Variants in FBN1 observed in about 807,000 individuals in gnomAD.
The protein encoded by FBN1 is fibrillin 1.
In FBN1, 29 loss-of-function variants were observed where a neutral mutation model predicts 365.1. That is an observed-to-expected ratio of 0.08 (90% CI 0.06 to 0.11). The LOEUF is 0.11. Ranked by LOEUF, FBN1 falls within the 10% of genes least tolerant of loss-of-function variation. FBN1 has a pLI of 1.00. For synonymous variants in FBN1, 1,210 were observed against 1,270.5 expected (o/e 0.95, Z 1.01); for missense variants, 2,476 against 3,703.2 (o/e 0.67, Z 8.60).
At chr15:48,636,049 G>A (rs1890085024) in intron 2 of FBN1, among the ~76,000 whole-genome samples, 1 of 152,160 alleles carries the variant, frequency 6.6e-6, no homozygotes, top group Non-Finnish European at 1.5e-5. Context: ...TCCAAAGATG[G>A]CTCCACTTTC....
intron 17 of FBN1, among the ~76,000 whole-genome samples, chr15:48,501,827 C>T (rs2043661117): frequency 6.6e-6 from 1 of 151,990 alleles, no homozygotes; most frequent in Non-Finnish European, 1.5e-5. Context: ...AAGTAACACA[C>T]AAAAGGATGA....
intron 2 of FBN1, among the ~76,000 whole-genome samples, chr15:48,636,546 A>T (rs1358517720): frequency 6.6e-6 from 1 of 152,082 alleles, no homozygotes; most frequent in African/African-American, 2.4e-5. Context: ...AAAAAAACAC[A>T]TTCAATGGCT....
chr15:48,472,707 T>A, intron 34 of FBN1, 31 bp from the exon 35 acceptor site: 2 of 1,614,164 alleles, frequency 1.2e-6, no homozygotes, highest in Non-Finnish European at 1.7e-6. Context: ...ACGTTACTCT[T>A]CCTCGGTTAG....
intron 6 of FBN1, among the ~76,000 whole-genome samples, chr15:48,539,114 T>G (rs2044036430): frequency 6.6e-6 from 1 of 152,140 alleles, no homozygotes; most frequent in African/African-American, 2.4e-5. Flanking sequence ...CTATCCTGTG[T>G]GTTCTCTCTT....
intron 8 of FBN1, among the ~76,000 whole-genome samples, chr15:48,531,629 T>C (rs1401560288): frequency 6.6e-6 from 1 of 152,174 alleles, no homozygotes; most frequent in African/African-American, 2.4e-5. Context: ...GTTCCCTCTA[T>C]TGGCCATCTA....
chr15:48,622,266 A>C (rs554800910), intron 2 of FBN1, among the ~76,000 whole-genome samples: 2 of 152,358 alleles, frequency 1.3e-5, no homozygotes, highest in East Asian at 3.9e-4. Flanking sequence ...GTCTAGGAAC[A>C]CAGGCACATA....
At chr15:48,550,882 A>C (rs950539316) in intron 6 of FBN1, among the ~76,000 whole-genome samples, 3 of 152,108 alleles carry the variant, frequency 2.0e-5, no homozygotes, top group Non-Finnish European at 4.4e-5. Flanking sequence ...AGCCTTAAGG[A>C]TACATATTTT....
At chr15:48,497,180 G>GCTA (rs2043615151) in intron 19 of FBN1, 86 bp downstream of exon 19, 1 of 1,515,636 alleles carries the variant, frequency 6.6e-7, no homozygotes, top group African/African-American at 1.4e-5. Context: ...AGTCCTCTAA[G>GCTA]CTACTCAAAG....
intron 2 of FBN1, among the ~76,000 whole-genome samples, chr15:48,623,553 A>G (rs1889810519): frequency 6.6e-6 from 1 of 152,234 alleles, no homozygotes; most frequent in South Asian, 2.1e-4. Flanking sequence ...AAAATCCCAC[A>G]AGCAACTAAG....
chr15:48,424,762 T>C (rs2042965911), intron 60 of FBN1, among the ~76,000 whole-genome samples: 1 of 152,180 alleles, frequency 6.6e-6, no homozygotes. Flanking sequence ...AGGAAGATGT[T>C]TACAGGAGTA....
intron 6 of FBN1, among the ~76,000 whole-genome samples, chr15:48,566,040 C>T (rs1292766964): frequency 4.3e-4 from 66 of 152,180 alleles, no homozygotes; most frequent in Admixed American, 4.3e-3. Flanking sequence ...TATTCATGTA[C>T]TCTGTACATT....
chr15:48,472,414 C>T, intron 35 of FBN1, 137 bp downstream of exon 35: 1 of 1,237,328 alleles, frequency 8.1e-7, no homozygotes, highest in Non-Finnish European at 1.1e-6. Flanking sequence ...CCTCTACAAA[C>T]TGAACTGACC....
intron 35 of FBN1, 145 bp from the exon 36 acceptor site, chr15:48,470,901 A>G: frequency 2.1e-6 from 2 of 946,518 alleles, no homozygotes; most frequent in East Asian, 5.4e-5. Context: ...ATAGACTTTT[A>G]GATGATTTGC....
chr15:48,502,733 A>C (rs925723985), intron 17 of FBN1, among the ~76,000 whole-genome samples: 1 of 152,240 alleles, frequency 6.6e-6, no homozygotes, highest in African/African-American at 2.4e-5. Context: ...CATTTTGTAG[A>C]TGAAGTGTCT....
At chr15:48,556,839 T>C (rs974332304) in intron 6 of FBN1, among the ~76,000 whole-genome samples, 4 of 152,216 alleles carry the variant, frequency 2.6e-5, no homozygotes, top group Non-Finnish European at 5.9e-5. Context: ...GAAATACCTG[T>C]AATTGTCTCA....
chr15:48,533,920 C>A (rs999521797), intron 8 of FBN1, among the ~76,000 whole-genome samples, 160 bp downstream of exon 8: 2 of 152,124 alleles, frequency 1.3e-5, no homozygotes, highest in Non-Finnish European at 2.9e-5. Context: ...TCCAATAGCA[C>A]AAAGGCATAT....
At position 48,481,787 on chromosome 15, in the gene FBN1, A is replaced by G. The variant is rs2043467409; in HGVS notation, c.3839-7T>C. On this transcript the variant is annotated splice_region_variant and splice_polypyrimidine_tract_variant and intron_variant, in intron 31 of 65. Coordinates refer to ENST00000316623, the MANE Select transcript of FBN1 (RefSeq NM_000138.5). ...AGGTCACACTCATTGACATCTGTAAAACATATATACTATTAATATATGTAG... is the reference window on the plus strand; with the variant it reads ...AGGTCACACTCATTGACATCTGTAAGACATATATACTATTAATATATGTAG... The G allele has an allele frequency of 6.2e-7, 1 of 1,611,672 alleles. No individual in the cohort carries two copies. The highest frequency in any genetic ancestry group is 8.5e-7 in the Non-Finnish European group (1 of 1,177,934).
intron 4 of FBN1, among the ~76,000 whole-genome samples, chr15:48,607,619 C>CA (rs1470088685): frequency 6.6e-6 from 1 of 151,946 alleles, no homozygotes; most frequent in Non-Finnish European, 1.5e-5. Context: ...CTTCACCAGA[C>CA]ATGTAATCTG....
chr15:48,453,011 C>G (rs1422255431), intron 44 of FBN1, among the ~76,000 whole-genome samples: 1 of 152,080 alleles, frequency 6.6e-6, no homozygotes, highest in African/African-American at 2.4e-5. Flanking sequence ...AATCCTAGCA[C>G]TTTGGGAAGC....
Sources: allele counts gnomAD v4.1 joint callset (sites outside exome capture counted in the v4.1 genomes callset), GRCh38; gene constraint gnomAD v4.1.1; transcripts MANE v1.5; gene names NCBI Gene and HGNC (gene_info 2026-07-23, HGNC 2026-07-21).